Variants in CALD1 observed in about 807,000 individuals in gnomAD.
CALD1 encodes caldesmon.
A neutral mutation model predicts 99.9 loss-of-function variants in CALD1; 33 were observed. The ratio of observed to expected loss-of-function variants is 0.33; its 90% CI spans 0.25 to 0.44. The LOEUF is 0.44. CALD1 is among the 20% of genes least tolerant of loss of function. CALD1 has a pLI of 1.00. For synonymous variants in CALD1, 310 were observed against 325.0 expected (o/e 0.95, Z 0.50); for missense variants, 861 against 962.1 (o/e 0.89, Z 1.39).
chr7:134,818,796 C>T (rs1285002414), intron 1 of CALD1, among the ~76,000 whole-genome samples: 1 of 152,108 alleles, frequency 6.6e-6, no homozygotes, highest in African/African-American at 2.4e-5. Context: ...AGCCGAGCTC[C>T]GAGAGGCAGC....
At chr7:134,774,380 G>C (rs1016871762) in intron 1 of CALD1, among the ~76,000 whole-genome samples, 3 of 152,136 alleles carry the variant, frequency 2.0e-5, no homozygotes, top group Admixed American at 6.5e-5. Context: ...TGCAGGGTGA[G>C]GCGATTGGAG....
chr7:134,789,518 C>A (rs1264559404), intron 1 of CALD1, among the ~76,000 whole-genome samples: 1 of 152,214 alleles, frequency 6.6e-6, no homozygotes, highest in Non-Finnish European at 1.5e-5. Context: ...GGGATGATTT[C>A]TCCTCCACTT....
rs1304295536 is a variant in CALD1 at position 134,934,279 on chromosome 7, G to T, written c.1308+202G>T. Among the ~76,000 whole-genome samples the T allele has an allele frequency of 2.6e-5, 4 of 152,092 alleles. No individual in the cohort carries two copies. The East Asian group carries it at 5.8e-4, about 22-fold the overall frequency. ...GAATATTCAATCAACCAAATTTACTGGGACAGCCAGTAAATTTGGCTGTCC... is the reference window on the plus strand; with the variant it reads ...GAATATTCAATCAACCAAATTTACTTGGACAGCCAGTAAATTTGGCTGTCC... On this transcript the variant is annotated intron_variant, in intron 5 of 14. Transcript: ENST00000361675.
At chr7:134,896,772 T>C (rs1419338448) in intron 3 of CALD1, among the ~76,000 whole-genome samples, 1 of 152,172 alleles carries the variant, frequency 6.6e-6, no homozygotes, top group Non-Finnish European at 1.5e-5. Context: ...AATCACTTTA[T>C]AGAGACAGGC....
At chr7:134,724,631 G>T in the CALD1 span, among the ~76,000 whole-genome samples, 1 of 152,336 alleles carries the variant, frequency 6.6e-6, no homozygotes, top group African/African-American at 2.4e-5. Flanking sequence ...GCTGGCTAAA[G>T]AACTCTTGGT....
the CALD1 span, among the ~76,000 whole-genome samples, chr7:134,733,461 T>A: frequency 3.3e-5 from 5 of 152,236 alleles, no homozygotes; most frequent in African/African-American, 1.2e-4. Context: ...AGCTGAGGAC[T>A]ATATTTTGTA....
chr7:134,761,084 TGGGTATCATGTGACCAGTCAGA>T (rs919659902), intron 1 of CALD1, among the ~76,000 whole-genome samples: 1 of 152,014 alleles, frequency 6.6e-6, no homozygotes, highest in Non-Finnish European at 1.5e-5. Context: ...CCAAGAAAGG[TGGGTATCATGTGACCAGTCAGA>T]GATAAATCAT....
At chr7:134,838,463 G>A (rs1262067120) in intron 1 of CALD1, among the ~76,000 whole-genome samples, 1 of 152,134 alleles carries the variant, frequency 6.6e-6, no homozygotes, top group Non-Finnish European at 1.5e-5. Flanking sequence ...AAGAAACAGT[G>A]GATACTAAGC....
chr7:134,864,167 G>A (rs764253087), intron 2 of CALD1, among the ~76,000 whole-genome samples: 1 of 152,060 alleles, frequency 6.6e-6, no homozygotes, highest in Non-Finnish European at 1.5e-5. Flanking sequence ...TGGCCAACAC[G>A]GTGAAACCCC....
At chr7:134,891,910 T>C (rs1319286584) in intron 3 of CALD1, among the ~76,000 whole-genome samples, 1 of 152,138 alleles carries the variant, frequency 6.6e-6, no homozygotes, top group Non-Finnish European at 1.5e-5. Flanking sequence ...TCCATTTTAA[T>C]GGTGGTTTGT....
At chr7:134,823,492 C>CT (rs1312445789) in intron 1 of CALD1, among the ~76,000 whole-genome samples, 1 of 152,146 alleles carries the variant, frequency 6.6e-6, no homozygotes, top group Non-Finnish European at 1.5e-5. Context: ...TTTGTGTGTT[C>CT]TTTTCCCCCC....
At chr7:134,869,941 G>A (rs968731988) in intron 3 of CALD1, among the ~76,000 whole-genome samples, 1 of 152,176 alleles carries the variant, frequency 6.6e-6, no homozygotes, top group Non-Finnish European at 1.5e-5. Flanking sequence ...GCCCAATGTT[G>A]AGTGGACATG....
At chr7:134,847,652 TA>T (rs956267794) in intron 2 of CALD1, among the ~76,000 whole-genome samples, 1 of 152,208 alleles carries the variant, frequency 6.6e-6, no homozygotes, top group African/African-American at 2.4e-5. Flanking sequence ...GCAGCTTTAG[TA>T]ACCTTGCCCA....
rs1808913927 is a variant in CALD1, at chr7:134,969,642, T to G, written c.*1297T>G. The G allele has an allele frequency of 6.7e-6, 1 of 148,350 alleles. No homozygotes were observed. The highest frequency in any genetic ancestry group is 1.5e-5 in the Non-Finnish European group (1 of 66,394). 9.2% of individuals were successfully genotyped at this position (148,350 alleles called of 1,614,324 possible). On this transcript the variant is annotated 3_prime_UTR_variant, in exon 15 of 15. Coordinates refer to ENST00000361675, the MANE Select transcript of CALD1 (RefSeq NM_033138.4). Reference sequence around the variant, plus strand: ...TTTCTTCAAACTTTTCTACTTTTATTTGTCATTGATACCTGTAGTAAGTTG... The same window carrying G: ...TTTCTTCAAACTTTTCTACTTTTATGTGTCATTGATACCTGTAGTAAGTTG...
exon 1 of CALD1, chr7:134,744,281 CT>C (rs1284412585): frequency 4.6e-5 from 7 of 152,304 alleles, no homozygotes; most frequent in African/African-American, 1.7e-4. Flanking sequence ...GGCCTGAAAT[CT>C]TTTGACTTCA....
In CALD1 at chr7:134,968,409, G is replaced by T. The variant is rs551282156; in HGVS notation, c.*64G>T. 2.1e-6 allele frequency: 3 copies of T among 1,452,140 alleles called. No homozygotes were observed. The highest frequency in any genetic ancestry group is 1.1e-5 in the South Asian group (1 of 87,460). 90.0% of individuals were successfully genotyped at this position (1,452,140 alleles called of 1,614,324 possible). A position where few individuals can be genotyped will look rare whatever the true frequency, so the allele number is the denominator to read the frequency against. On this transcript the variant is annotated 3_prime_UTR_variant, in exon 15 of 15. Transcript: ENST00000361675. Reference sequence around the variant, plus strand: ...GAGCTCAGTTGTAGAGGGCTAATTCGCTCTGTTTTGTATTTATGTTGATTT... The same window carrying T: ...GAGCTCAGTTGTAGAGGGCTAATTCTCTCTGTTTTGTATTTATGTTGATTT...
chr7:134,723,254 T>C, the CALD1 span, among the ~76,000 whole-genome samples: 1 of 152,224 alleles, frequency 6.6e-6, no homozygotes, highest in Non-Finnish European at 1.5e-5. Context: ...GCATTTAGGG[T>C]AATCTGAAGT....
intron 3 of CALD1, chr7:134,891,739 T>C: frequency 2.5e-6 from 2 of 797,512 alleles, no homozygotes; most frequent in East Asian, 3.2e-5. Context: ...AACAAACGAA[T>C]TGTTGTAAAA....
At chr7:134,721,998 C>T in the CALD1 span, among the ~76,000 whole-genome samples, 4 of 152,260 alleles carry the variant, frequency 2.6e-5, no homozygotes, top group East Asian at 7.7e-4. Flanking sequence ...TTTTCATTCC[C>T]TGACTGTAGC....
Sources: gnomAD v4.1 joint callset for allele counts (sites outside exome capture counted in the v4.1 genomes callset) on GRCh38, gnomAD v4.1.1 for gene constraint, MANE v1.5 for transcripts, NCBI Gene and HGNC (gene_info 2026-07-23, HGNC 2026-07-21) for gene names.